SLC35F2: variants seen among roughly 807,000 people sequenced by gnomAD.
SLC35F2 encodes queuine/queuosine transporter SLC35F2.
SLC35F2 carries 25 observed loss-of-function variants against 38.1 expected under a neutral mutation model. That is an observed-to-expected ratio of 0.66 (90% confidence interval 0.48 to 0.92). The LOEUF is 0.92. Among genes scored for constraint, SLC35F2 ranks in the 40% least tolerant of loss-of-function variants. The pLI is 0.00. For synonymous variants in SLC35F2, 173 were observed against 181.7 expected, an observed-to-expected ratio of 0.95 and a Z score of 0.38; for missense variants, 409 against 452.9, an observed-to-expected ratio of 0.90 and a Z score of 0.88.
At chr11:107,811,548 C>T (rs879409115) in intron 3 of SLC35F2, 119 bp downstream of exon 3, 4 of 927,574 alleles carry the variant, frequency 4.3e-6, no homozygotes, top group Admixed American at 5.1e-5. Context: ...ACAGCATCCA[C>T]CTGTGTTTAG....
At chr11:107,815,397 A>T (rs1407232918) in intron 2 of SLC35F2, among the ~76,000 whole-genome samples, 2 of 150,852 alleles carry the variant, frequency 1.3e-5, no homozygotes, top group East Asian at 1.9e-4. Flanking sequence ...AATAAAAAAA[A>T]AAAAAAAAAA....
At chr11:107,797,138 C>G (rs184870927) in intron 7 of SLC35F2, among the ~76,000 whole-genome samples, 1 of 152,242 alleles carries the variant, frequency 6.6e-6, no homozygotes, top group African/African-American at 2.4e-5. Context: ...AACAAAATGT[C>G]TTATGTATCC....
intron 1 of SLC35F2, among the ~76,000 whole-genome samples, chr11:107,856,441 T>G (rs943844380): frequency 1.3e-5 from 2 of 152,042 alleles, no homozygotes; most frequent in African/African-American, 4.8e-5. Context: ...ACGCCTGTAA[T>G]CCCACTACTT....
At chr11:107,797,428 C>T (rs1222480351) in intron 7 of SLC35F2, among the ~76,000 whole-genome samples, 2 of 152,074 alleles carry the variant, frequency 1.3e-5, no homozygotes, top group African/African-American at 4.8e-5. Flanking sequence ...TGGTAGGCAC[C>T]TGCAGTCCCA....
rs149954296 is a variant in SLC35F2, at chr11:107,836,569, T to C, written c.111-20604A>G. On this transcript the variant is annotated intron_variant, in intron 1 of 7. Coordinates refer to ENST00000525815, the MANE Select transcript of SLC35F2 (RefSeq NM_017515.5). Reference sequence around the variant, plus strand: ...TCCCAGCTGTAGTCAGAAGGAGCTATAACTACAGAAGGCTCAGAGAGATGC... The same window carrying C: ...TCCCAGCTGTAGTCAGAAGGAGCTACAACTACAGAAGGCTCAGAGAGATGC... 2.0e-4 allele frequency among the ~76,000 whole-genome samples: 31 copies of C among 152,314 alleles called. 1 individual carries two copies. The highest frequency in any genetic ancestry group is 7.0e-4 in the African/African-American group (29 of 41,566).
At chr11:107,844,695 C>T (rs1200622257) in intron 1 of SLC35F2, among the ~76,000 whole-genome samples, 2 of 151,558 alleles carry the variant, frequency 1.3e-5, no homozygotes, top group Non-Finnish European at 2.9e-5. Context: ...ATTACACAGG[C>T]CGGGCGCGGT....
At chr11:107,839,738 C>T (rs190676318) in intron 1 of SLC35F2, among the ~76,000 whole-genome samples, 420 of 152,308 alleles carry the variant, frequency 2.8e-3, no homozygotes, top group African/African-American at 9.8e-3. Flanking sequence ...ATCGCAACCT[C>T]TGCCTCCTGG....
chr11:107,814,475 A>C (rs1352299503), intron 2 of SLC35F2, among the ~76,000 whole-genome samples: 1 of 150,112 alleles, frequency 6.7e-6, no homozygotes, highest in African/African-American at 2.5e-5. Flanking sequence ...AAAAAAAAAG[A>C]AGAAGCTGCA....
intron 1 of SLC35F2, chr11:107,823,863 A>G (rs979724500): frequency 2.7e-6 from 1 of 373,184 alleles, no homozygotes; most frequent in South Asian, 1.1e-4. Context: ...CAGGAAGCGG[A>G]GTTTGCAGTG....
intron 1 of SLC35F2, among the ~76,000 whole-genome samples, chr11:107,831,307 G>T (rs1479359783): frequency 6.6e-6 from 1 of 152,202 alleles, no homozygotes; most frequent in African/African-American, 2.4e-5. Context: ...TCATTGGAAT[G>T]GGACAGGGTG....
At chr11:107,834,214 A>G (rs576783645) in intron 1 of SLC35F2, among the ~76,000 whole-genome samples, 2 of 152,346 alleles carry the variant, frequency 1.3e-5, no homozygotes, top group South Asian at 4.1e-4. Context: ...TTTCCCAGCT[A>G]GAGAGTCTTA....
intron 6 of SLC35F2, 124 bp downstream of exon 6, chr11:107,804,594 A>G: frequency 3.0e-6 from 2 of 667,212 alleles, no homozygotes; most frequent in South Asian, 4.4e-5. Context: ...TATAGTTGAT[A>G]TGTATTAAAT....
At chr11:107,795,896 G>C (rs1426830557) in intron 7 of SLC35F2, among the ~76,000 whole-genome samples, 1 of 152,228 alleles carries the variant, frequency 6.6e-6, no homozygotes, top group African/African-American at 2.4e-5. Flanking sequence ...CACTTTGGGA[G>C]GCTGAGGCGG....
chr11:107,810,846 T>G lies in SLC35F2; in HGVS notation c.414+821A>C, dbSNP rs374462997. The G allele has an allele frequency of 8.2e-6, 8 of 980,404 alleles. No individual in the cohort carries two copies. In the African/African-American group the frequency reaches 1.4e-4, roughly 17 times the overall value. The allele number at this position is 980,404 out of a possible 1,614,324, so 60.7% of individuals were successfully genotyped here. ...GTCTAATTTCAATTTTTCCAGTCCC[T>G]AAAATTTGGAGTCAAGTAAGAACAT... On this transcript the variant is annotated intron_variant, in intron 3 of 7. Coordinates refer to ENST00000525815, the MANE Select transcript of SLC35F2 (RefSeq NM_017515.5).
intron 7 of SLC35F2, among the ~76,000 whole-genome samples, chr11:107,796,106 G>A (rs555140764): frequency 6.6e-6 from 1 of 152,272 alleles, no homozygotes; most frequent in East Asian, 1.9e-4. Flanking sequence ...TCCAGCCTGG[G>A]CAACAGAGCA....
At chr11:107,851,294 C>T (rs1860181098) in intron 1 of SLC35F2, among the ~76,000 whole-genome samples, 1 of 149,596 alleles carries the variant, frequency 6.7e-6, no homozygotes, top group Non-Finnish European at 1.5e-5. Flanking sequence ...GAAACCCTGT[C>T]TTTACTAAAA....
At position 107,856,121 on chromosome 11, in the gene SLC35F2, AAAG is replaced by A. The variant is rs1284938011; in HGVS notation, c.110+2534_110+2536del. On this transcript the variant is annotated intron_variant, in intron 1 of 7. Coordinates refer to ENST00000525815, the MANE Select transcript of SLC35F2 (RefSeq NM_017515.5). ...ACTCTGTCTCAAAAAAAAAAAAAAA[AAAG>A]AAGAAGAAGAAAAGAAAAGAAAATC... 5.6e-3 allele frequency among the ~76,000 whole-genome samples: 820 copies of A among 145,240 alleles called. 43 individuals carry two copies. The highest frequency in any genetic ancestry group is 0.014 in the Middle Eastern group (4 of 280).
chr11:107,807,578 TTA>T lies in SLC35F2; in HGVS notation c.415-704_415-703del, dbSNP rs1349637991. On this transcript the variant is annotated intron_variant, in intron 3 of 7. Coordinates refer to ENST00000525815, the MANE Select transcript of SLC35F2 (RefSeq NM_017515.5). ...TATCTTTTCTTTTATTTTATTATTA[TTA>T]TTTTTTTTTTGAGATGGAGTCTCGC... Among the ~76,000 whole-genome samples, 767 of 91,276 alleles carry T rather than the reference TTA, an allele frequency of 8.4e-3. 9 individuals are homozygous for T. Among genetic ancestry groups the T allele is most frequent in the African/African-American group, 0.033 (740 of 22,510 alleles). 59.9% of individuals were successfully genotyped at this position (91,276 alleles called of 152,430 possible).
chr11:107,843,874 T>A (rs1466617365), intron 1 of SLC35F2, among the ~76,000 whole-genome samples: 313 of 22,726 alleles, frequency 0.014, 34 homozygotes, highest in African/African-American at 0.035. Flanking sequence ...AAAAAATATA[T>A]ATATATATAT....
Sources: allele counts gnomAD v4.1 joint callset (sites outside exome capture counted in the v4.1 genomes callset), GRCh38; gene constraint gnomAD v4.1.1; transcripts MANE v1.5; gene names NCBI Gene and HGNC (gene_info 2026-07-23, HGNC 2026-07-21).